TNKS: variants seen among roughly 807,000 people sequenced by gnomAD.
TNKS encodes the protein poly [ADP-ribose] polymerase tankyrase-1.
A neutral mutation model predicts 135.8 loss-of-function variants in TNKS; 72 were observed. That is an observed-to-expected ratio of 0.53 (90% CI 0.44 to 0.64). The LOEUF (loss-of-function observed/expected upper bound fraction) is 0.64, where lower values mean the gene tolerates loss of function less well. Among genes scored for constraint, TNKS ranks in the 30% least tolerant of loss-of-function variants. The pLI is 0.00. For missense variants in TNKS, 1,769 were observed against 1,674.0 expected, an observed-to-expected ratio of 1.06 and a Z score of -0.99; for synonymous variants, 849 against 649.3, an observed-to-expected ratio of 1.31 and a Z score of -4.68.
chr8:9,703,378 G>A (rs887457173), intron 5 of TNKS, among the ~76,000 whole-genome samples: 6 of 152,200 alleles, frequency 3.9e-5, no homozygotes, highest in African/African-American at 1.4e-4. Flanking sequence ...AAGTGAAATT[G>A]TACTGTATTT....
At chr8:9,686,417 A>G (rs1802999542) in intron 5 of TNKS, among the ~76,000 whole-genome samples, 1 of 152,190 alleles carries the variant, frequency 6.6e-6, no homozygotes, top group African/African-American at 2.4e-5. Flanking sequence ...AGCTCATACC[A>G]CATAGAGCTG....
chr8:9,676,005 A>ATTT (rs1802516376), intron 3 of TNKS, among the ~76,000 whole-genome samples: 1 of 150,076 alleles, frequency 6.7e-6, no homozygotes. Context: ...GAAAAGTCAG[A>ATTT]ATTTTTTTTT....
At chr8:9,657,857 G>A (rs1167290502) in intron 3 of TNKS, among the ~76,000 whole-genome samples, 80 of 131,894 alleles carry the variant, frequency 6.1e-4, no homozygotes, top group East Asian at 1.7e-3. Flanking sequence ...GGCAGCTGCC[G>A]GGCGGAGGGG....
chr8:9,650,833 T>C (rs1365422780), intron 3 of TNKS, among the ~76,000 whole-genome samples: 1 of 152,240 alleles, frequency 6.6e-6, no homozygotes, highest in Non-Finnish European at 1.5e-5. Context: ...AGGTCTCATT[T>C]ATTTATTTTT....
chr8:9,583,841 A>G (rs1461314086), intron 2 of TNKS, among the ~76,000 whole-genome samples: 1 of 151,958 alleles, frequency 6.6e-6, no homozygotes, highest in African/African-American at 2.4e-5. Flanking sequence ...AAAGCAAATT[A>G]TAAGCATACT....
chr8:9,620,269 A>G (rs1483056577), intron 3 of TNKS, among the ~76,000 whole-genome samples: 1 of 151,954 alleles, frequency 6.6e-6, no homozygotes, highest in Non-Finnish European at 1.5e-5. Flanking sequence ...TTTGCCTCAC[A>G]CTTTGTATCC....
chr8:9,577,268 A>G (rs541225024), intron 1 of TNKS, among the ~76,000 whole-genome samples: 2 of 152,328 alleles, frequency 1.3e-5, no homozygotes, highest in South Asian at 2.1e-4. Flanking sequence ...TGAGGCATTT[A>G]TCTTAAATGA....
intron 3 of TNKS, among the ~76,000 whole-genome samples, chr8:9,674,794 G>A (rs560483226): frequency 2.6e-5 from 4 of 152,252 alleles, no homozygotes; most frequent in African/African-American, 9.6e-5. Context: ...TCTCTACCAG[G>A]AAAATACTCT....
In TNKS at chr8:9,776,646, C is replaced by G; in HGVS notation, c.3898-4C>G. ...TGATTTGTTTTTCTTCTTGTCCTTCCCAGGCATACCCAGAGTATCTTATCA... is the reference window on the plus strand; with the variant it reads ...TGATTTGTTTTTCTTCTTGTCCTTCGCAGGCATACCCAGAGTATCTTATCA... On this transcript the variant is annotated splice_region_variant and splice_polypyrimidine_tract_variant and intron_variant, in intron 26 of 26. Coordinates refer to ENST00000310430, the MANE Select transcript of TNKS (RefSeq NM_003747.3). The G allele has an allele frequency of 1.9e-6, 3 of 1,613,674 alleles. No homozygotes were observed. The highest frequency in any genetic ancestry group is 2.5e-6 in the Non-Finnish European group (3 of 1,179,734).
chr8:9,706,843 G>C lies in TNKS; in HGVS notation c.1302G>C (p.Trp434Cys), dbSNP rs772260333. 1 of 1,612,364 alleles carries C rather than the reference G, an allele frequency of 6.2e-7. No individual in the cohort carries two copies. The highest frequency in any genetic ancestry group is 8.5e-7 in the Non-Finnish European group (1 of 1,179,438). The change falls in exon 8 of 27, where the codon TGG (tryptophan) becomes TGC (cysteine). Residue 434 changes from tryptophan (W) to cysteine (C), a missense_variant. By Grantham distance (215) the Trp-to-Cys change is radical (BLOSUM62 -2). Transcript: ENST00000310430. The stretch of plus-strand genomic sequence containing the variant: ...CTTGTGTTAATGCCATGGATCTCTG[G>C]CAGTTTACTCCACTGCACGAGGCTG... ...HGACVNAMDL[W>C]QFTPLHEAAS...
intron 5 of TNKS, among the ~76,000 whole-genome samples, chr8:9,695,204 T>C (rs2128803364): frequency 6.6e-6 from 1 of 152,328 alleles, no homozygotes; most frequent in Admixed American, 6.5e-5. Flanking sequence ...TAACAGTATA[T>C]AGGTCTTCCA....
At chr8:9,713,025 A>G (rs1004852804) in intron 11 of TNKS, among the ~76,000 whole-genome samples, 1 of 152,206 alleles carries the variant, frequency 6.6e-6, no homozygotes, top group Non-Finnish European at 1.5e-5. Flanking sequence ...ATTCATATAT[A>G]TATATTAAGT....
intron 3 of TNKS, among the ~76,000 whole-genome samples, chr8:9,630,794 CAT>C (rs1296291402): frequency 6.6e-6 from 1 of 152,156 alleles, no homozygotes; most frequent in African/African-American, 2.4e-5. Flanking sequence ...AATGAAATAA[CAT>C]ATCAAGAAAG....
chr8:9,594,983 T>TTGC (rs1461921261), intron 2 of TNKS, among the ~76,000 whole-genome samples: 1 of 152,218 alleles, frequency 6.6e-6, no homozygotes. Context: ...TCTTTACTGT[T>TTGC]TGCAAAAATT....
At chr8:9,707,269 G>A (rs888004182) in intron 8 of TNKS, among the ~76,000 whole-genome samples, 2 of 152,150 alleles carry the variant, frequency 1.3e-5, no homozygotes, top group Non-Finnish European at 1.5e-5. Flanking sequence ...GAGTCAATCA[G>A]CATCCATTTC....
chr8:9,702,421 C>T (rs958377235), intron 5 of TNKS, among the ~76,000 whole-genome samples: 2 of 151,942 alleles, frequency 1.3e-5, no homozygotes, highest in Non-Finnish European at 1.5e-5. Flanking sequence ...AGCGTATCCA[C>T]AGGGGAAAAA....
Position 9,781,079 on chromosome 8 carries a change from C to T in TNKS, c.*4343C>T, listed in dbSNP as rs892592201. 1.3e-5 allele frequency: 2 copies of T among 152,188 alleles called. No individual in the cohort carries two copies. Among genetic ancestry groups the T allele is most frequent in the Non-Finnish European group, 2.9e-5 (2 of 68,036 alleles). The allele number at this position is 152,188 out of a possible 1,614,324, so 9.4% of individuals were successfully genotyped here. A position where few individuals can be genotyped will look rare whatever the true frequency, so the allele number is the denominator to read the frequency against. On this transcript the variant is annotated 3_prime_UTR_variant, in exon 27 of 27. Transcript: ENST00000310430. ...AGCTAATGATTTTATATACTTTGCACGACCAAATATGGTCGTAGTATGACG... is the reference window on the plus strand; with the variant it reads ...AGCTAATGATTTTATATACTTTGCATGACCAAATATGGTCGTAGTATGACG...
chr8:9,712,331 T>C (rs1804379157), intron 11 of TNKS, among the ~76,000 whole-genome samples: 1 of 151,524 alleles, frequency 6.6e-6, no homozygotes, highest in Admixed American at 6.6e-5. Context: ...AATTTAAAAA[T>C]TAGCCAGTCG....
chr8:9,569,309 A>C lies in TNKS; in HGVS notation c.674-10850A>C, dbSNP rs142603514. Among the ~76,000 whole-genome samples, 1,335 of 152,286 alleles carry C rather than the reference A, an allele frequency of 8.8e-3. 17 individuals carry two copies. Among genetic ancestry groups the C allele is most frequent in the African/African-American group, 0.03 (1,257 of 41,544 alleles). ...CACATCATAAGTGTACCGGGAGGTG[A>C]ATTTTTACAAAGTGAACACACCTGG... is the stretch of plus-strand genomic sequence containing the variant. On this transcript the variant is annotated intron_variant, in intron 1 of 26. Transcript: ENST00000310430.
Sources: gnomAD v4.1 joint callset for allele counts (sites outside exome capture counted in the v4.1 genomes callset) on GRCh38, gnomAD v4.1.1 for gene constraint, MANE v1.5 for transcripts, NCBI Gene and HGNC (gene_info 2026-07-23, HGNC 2026-07-21) for gene names.